GRM7: variants seen among roughly 807,000 people sequenced by gnomAD.
The protein encoded by GRM7 is glutamate metabotropic receptor 7.
In GRM7, 35 loss-of-function variants were observed where a neutral mutation model predicts 84.5. The ratio of observed to expected loss-of-function variants is 0.41; its 90% CI spans 0.32 to 0.55. The LOEUF (loss-of-function observed/expected upper bound fraction) is 0.55, where lower values mean the gene tolerates loss of function less well. Ranked by LOEUF, GRM7 falls within the 20% of genes least tolerant of loss-of-function variation. GRM7 has a pLI of 0.19. For synonymous variants in GRM7, 487 were observed against 455.1 expected, an observed-to-expected ratio of 1.07 and a Z score of -0.89; for missense variants, 1,003 against 1,194.6, an observed-to-expected ratio of 0.84 and a Z score of 2.36.
At chr3:7,660,797 G>C (rs1212744940) in intron 8 of GRM7, among the ~76,000 whole-genome samples, 2 of 53,082 alleles carry the variant, frequency 3.8e-5, no homozygotes, top group African/African-American at 8.6e-5. Flanking sequence ...TTAGAACTGA[G>C]TAGAGTCCAG....
intron 1 of GRM7, among the ~76,000 whole-genome samples, chr3:6,967,193 A>T (rs949398800): frequency 3.4e-4 from 52 of 151,818 alleles, no homozygotes; most frequent in African/African-American, 1.1e-3. Flanking sequence ...ATTTTTATTT[A>T]TTTTTATTTT....
chr3:7,605,037 T>A (rs530322030), intron 8 of GRM7, among the ~76,000 whole-genome samples: 44 of 152,286 alleles, frequency 2.9e-4, no homozygotes, highest in Non-Finnish European at 5.1e-4. Flanking sequence ...CCTAGGTAAT[T>A]AATTCTTGCT....
chr3:7,051,472 T>C (rs1696996539), intron 1 of GRM7, among the ~76,000 whole-genome samples: 1 of 151,822 alleles, frequency 6.6e-6, no homozygotes, highest in South Asian at 2.1e-4. Context: ...GTCTTTCTGT[T>C]TCTTAGGTAG....
In GRM7 at chr3:7,257,166, G is replaced by T. The variant is rs147875425; in HGVS notation, c.737-41518G>T. 3.6e-3 allele frequency among the ~76,000 whole-genome samples: 548 copies of T among 152,226 alleles called. 1 individual carries two copies. Among genetic ancestry groups the T allele is most frequent in the African/African-American group, 0.013 (525 of 41,546 alleles). ...AATCCAAGGAGGCTTTTCAAGTAAAGGTAAGTTAGGTGAGGGACCTTATAA... is the reference window on the plus strand; with the variant it reads ...AATCCAAGGAGGCTTTTCAAGTAAATGTAAGTTAGGTGAGGGACCTTATAA... On this transcript the variant is annotated intron_variant, in intron 2 of 9. Transcript: ENST00000357716.
chr3:7,694,209 T>TGCAAAATAGAACCTC (rs1700930073), intron 9 of GRM7, among the ~76,000 whole-genome samples: 1 of 152,188 alleles, frequency 6.6e-6, no homozygotes, highest in Non-Finnish European at 1.5e-5. Context: ...TTTCCTCATC[T>TGCAAAATAGAACCTC]GCAAAATAGA....
At chr3:6,904,488 A>C (rs1166900176) in intron 1 of GRM7, among the ~76,000 whole-genome samples, 1 of 152,164 alleles carries the variant, frequency 6.6e-6, no homozygotes, top group Admixed American at 6.5e-5. Flanking sequence ...GCTATATAAG[A>C]CAGTGCAATA....
At chr3:7,673,290 A>G (rs956374972) in intron 8 of GRM7, among the ~76,000 whole-genome samples, 3 of 152,218 alleles carry the variant, frequency 2.0e-5, no homozygotes, top group African/African-American at 7.2e-5. Context: ...AAGAATATTG[A>G]TCATACCTAA....
chr3:7,670,520 C>G (rs1699874230), intron 8 of GRM7, among the ~76,000 whole-genome samples: 1 of 152,110 alleles, frequency 6.6e-6, no homozygotes, highest in Non-Finnish European at 1.5e-5. Flanking sequence ...TTTTAATGAA[C>G]CCTTTACAAG....
At chr3:7,050,919 G>A (rs1415600164) in intron 1 of GRM7, among the ~76,000 whole-genome samples, 3 of 151,810 alleles carry the variant, frequency 2.0e-5, no homozygotes, top group Non-Finnish European at 4.4e-5. Context: ...GAAATCAGAA[G>A]TCTACTTGTT....
intron 1 of GRM7, among the ~76,000 whole-genome samples, chr3:7,032,805 C>G (rs1696236770): frequency 6.6e-6 from 1 of 152,182 alleles, no homozygotes. Context: ...TTAGAATCTA[C>G]TATGTAACAT....
At chr3:7,120,571 C>T (rs1693183761) in intron 1 of GRM7, among the ~76,000 whole-genome samples, 1 of 152,040 alleles carries the variant, frequency 6.6e-6, no homozygotes. Context: ...GCAAATTATA[C>T]AAGATTATAC....
chr3:7,627,770 G>A (rs1697681561), intron 8 of GRM7, among the ~76,000 whole-genome samples: 1 of 152,116 alleles, frequency 6.6e-6, no homozygotes. Flanking sequence ...GCTCTCCTTG[G>A]CTTGCAGATG....
chr3:7,211,056 G>T (rs1696408548), intron 2 of GRM7, among the ~76,000 whole-genome samples: 2 of 152,002 alleles, frequency 1.3e-5, no homozygotes, highest in African/African-American at 4.8e-5. Flanking sequence ...AACCAACTAG[G>T]TTTTTATTAT....
intron 4 of GRM7, among the ~76,000 whole-genome samples, chr3:7,311,143 A>G (rs891578686): frequency 6.6e-6 from 1 of 152,204 alleles, no homozygotes; most frequent in Non-Finnish European, 1.5e-5. Context: ...AAAGAGAAAA[A>G]TCTTTTTAAA....
chr3:7,171,237 C>A (rs1343395550), intron 2 of GRM7, among the ~76,000 whole-genome samples: 3 of 152,084 alleles, frequency 2.0e-5, no homozygotes, highest in African/African-American at 7.2e-5. Context: ...GACTTCTTCT[C>A]CCTGTGTTTC....
intron 9 of GRM7, among the ~76,000 whole-genome samples, chr3:7,713,680 T>A (rs1443590311): frequency 6.6e-6 from 1 of 151,690 alleles, no homozygotes; most frequent in Non-Finnish European, 1.5e-5. Context: ...CCAAAAAAAA[T>A]TATTTGAATA....
intron 1 of GRM7, among the ~76,000 whole-genome samples, chr3:6,887,586 T>A (rs1005924459): frequency 6.6e-6 from 1 of 152,218 alleles, no homozygotes; most frequent in Non-Finnish European, 1.5e-5. Context: ...CTGCATAGTA[T>A]TCCATGGTGT....
chr3:7,185,718 C>T (rs1227967755), intron 2 of GRM7, among the ~76,000 whole-genome samples: 4 of 152,194 alleles, frequency 2.6e-5, no homozygotes, highest in African/African-American at 4.8e-5. Context: ...TGTGCACTAA[C>T]TCAGAAACTC....
At chr3:6,968,061 TG>T (rs1255321048) in intron 1 of GRM7, among the ~76,000 whole-genome samples, 3 of 152,164 alleles carry the variant, frequency 2.0e-5, no homozygotes, top group Non-Finnish European at 4.4e-5. Flanking sequence ...ACAAACTGGG[TG>T]GGCTTGAACA....
Sources: gnomAD v4.1 joint callset for allele counts (sites outside exome capture counted in the v4.1 genomes callset) on GRCh38, gnomAD v4.1.1 for gene constraint, MANE v1.5 for transcripts, NCBI Gene and HGNC (gene_info 2026-07-23, HGNC 2026-07-21) for gene names.